Variants in SUGP2 observed in about 807,000 individuals in gnomAD.
SUGP2 encodes the protein SURP and G-patch domain-containing protein 2.
SUGP2 carries 24 observed loss-of-function variants against 90.5 expected under a neutral mutation model. That is an observed-to-expected ratio of 0.27 (90% confidence interval 0.19 to 0.37). The LOEUF is 0.37. Ranked by LOEUF, SUGP2 falls within the 10% of genes least tolerant of loss-of-function variation. The pLI is 1.00. For missense variants in SUGP2, 1,233 were observed against 1,363.3 expected, an observed-to-expected ratio of 0.90 and a Z score of 1.51; for synonymous variants, 473 against 513.4, an observed-to-expected ratio of 0.92 and a Z score of 1.06.
chr19:19,030,983 G>A lies in SUGP2; in HGVS notation c.89C>T (p.Ala30Val). The A allele has an allele frequency of 6.2e-7, 1 of 1,613,424 alleles. No individual in the cohort carries two copies. The highest frequency in any genetic ancestry group is 8.5e-7 in the Non-Finnish European group (1 of 1,179,860). ...TTTAAACTGAAGAGTTTCGCTTACA[G>A]CCTCACCACTGGCATCCATGTGATA... ...KRYHMDASGE[A>V]VSETLQFKAQ... Residue 30 changes from alanine (A) to valine (V), a missense_variant, in exon 2 of 11, where the codon GCT becomes GTT. Transcript: ENST00000452918.
At position 19,033,464 on chromosome 19, in the gene SUGP2, C is replaced by CCCGCCGCCGCCTCAGGCTCCTCACCCG. The variant is rs2059277392; in HGVS notation, c.-66_-40dup. The CCCGCCGCCGCCTCAGGCTCCTCACCCG allele has an allele frequency of 7.1e-6, 10 of 1,401,932 alleles. No individual in the cohort carries two copies. Among genetic ancestry groups the CCCGCCGCCGCCTCAGGCTCCTCACCCG allele is most frequent in the Non-Finnish European group, 9.3e-6 (10 of 1,077,758 alleles). The allele number at this position is 1,401,932 out of a possible 1,614,324, so 86.8% of individuals were successfully genotyped here. A position where few individuals can be genotyped will look rare whatever the true frequency, so the allele number is the denominator to read the frequency against. On this transcript the variant is annotated 5_prime_UTR_variant, in exon 1 of 11. Coordinates refer to ENST00000452918, the MANE Select transcript of SUGP2 (RefSeq NM_001017392.5). ...CGAGACCACCGCGCGCGGAGCCACC[C>CCCGCCGCCGCCTCAGGCTCCTCACCCG]CCGCCGCCGCCTCAGGCTCCTCACC... is the stretch of plus-strand genomic sequence containing the variant.
rs2145701677 is a variant in SUGP2, at chr19:19,025,559, G to C, written c.789C>G (p.Pro263=). ...GGATTTGGTTAGTGCCCTGAGTTTT[G>C]GGAGTAATACGATTCACGGTGGGTA... ...KKIPTVNRIT[P]KTQGTNQIQK... is the part of the protein sequence containing the mutation. The change falls in exon 3 of 11, where the codon CCC becomes CCG. Residue 263 remains proline (P), a synonymous_variant. Transcript: ENST00000452918. 1 of 1,614,036 alleles carries C rather than the reference G, an allele frequency of 6.2e-7. No individual in the cohort carries two copies. The highest frequency in any genetic ancestry group is 2.2e-5 in the East Asian group (1 of 44,856).
chr19:19,018,218 G>A (rs1421751405), intron 4 of SUGP2, among the ~76,000 whole-genome samples: 1 of 152,088 alleles, frequency 6.6e-6, no homozygotes, highest in Non-Finnish European at 1.5e-5. Context: ...TGTAATCCCA[G>A]CTACTTGGGA....
At chr19:19,008,739 C>T (rs1007941527) in intron 5 of SUGP2, among the ~76,000 whole-genome samples, 1 of 152,200 alleles carries the variant, frequency 6.6e-6, no homozygotes, top group African/African-American at 2.4e-5. Flanking sequence ...CCCCAATTGC[C>T]AGGTGAACAA....
At chr19:18,997,863 A>G (rs951493336) in intron 8 of SUGP2, among the ~76,000 whole-genome samples, 2 of 152,072 alleles carry the variant, frequency 1.3e-5, no homozygotes, top group African/African-American at 2.4e-5. Flanking sequence ...GGACTAAAGT[A>G]GCAGCCTCAA....
rs768523816 is a variant in SUGP2, at chr19:19,025,493, G to T, written c.855C>A (p.Asn285Lys). 6.2e-7 allele frequency: 1 copy of T among 1,614,114 alleles called. No homozygotes were observed. Among genetic ancestry groups the T allele is most frequent in the East Asian group, 2.2e-5 (1 of 44,886 alleles). Residue 285 changes from asparagine to lysine, a missense_variant, in exon 3 of 11, where the codon AAC becomes AAA. Asn to Lys is a moderately conservative substitution (Grantham distance 94). Coordinates refer to ENST00000452918, the MANE Select transcript of SUGP2 (RefSeq NM_001017392.5). ...GGAACTGGATATCTTCTGTCCCTGG[G>T]TTTGTCCCCAGGGTCACATCAGGAC... ...TPSPDVTLGT[N>K]PGTEDIQFPI... is the part of the protein sequence containing the mutation.
chr19:19,033,557 C>T, upstream of SUGP2: 2 of 1,262,278 alleles, frequency 1.6e-6, no homozygotes, highest in Non-Finnish European at 2.0e-6. Flanking sequence ...CCGCGCCGCG[C>T]AGGCGCAAGC....
At chr19:19,011,734 C>T (rs1326535709) in intron 4 of SUGP2, among the ~76,000 whole-genome samples, 2 of 152,096 alleles carry the variant, frequency 1.3e-5, no homozygotes, top group Non-Finnish European at 2.9e-5. Flanking sequence ...TGGTGGCTCA[C>T]GCCTGTAATC....
rs775986558 is a variant in SUGP2 at position 19,004,233 on chromosome 19, C to T, written c.2864G>A (p.Ser955Asn). 1 of 1,607,712 alleles carries T rather than the reference C, an allele frequency of 6.2e-7. No homozygotes were observed. Among genetic ancestry groups the T allele is most frequent in the Non-Finnish European group, 8.5e-7 (1 of 1,176,096 alleles). ...GTCFPRKRIS[S>N]KSLKVGMIPA... Reference sequence around the variant, plus strand: ...AATCATGCCAACCTTCAATGACTTGCTGCTGATCCTCTTCCGAGGGAAGCA... The same window carrying T: ...AATCATGCCAACCTTCAATGACTTGTTGCTGATCCTCTTCCGAGGGAAGCA... The change falls in exon 7 of 11, where the codon AGC (serine) becomes AAC (asparagine). Residue 955 changes from serine (S) to asparagine (N), a missense_variant. Physicochemically the swap from Ser to Asn is conservative, Grantham distance 46 (BLOSUM62 1). Transcript: ENST00000452918.
At chr19:19,007,087 G>A (rs933443570) in intron 6 of SUGP2, among the ~76,000 whole-genome samples, 2 of 152,180 alleles carry the variant, frequency 1.3e-5, no homozygotes, top group Non-Finnish European at 2.9e-5. Flanking sequence ...GCCTCCTACC[G>A]GCAGCCTTTC....
intron 8 of SUGP2, among the ~76,000 whole-genome samples, chr19:18,998,030 C>T (rs992635465): frequency 6.6e-5 from 10 of 152,148 alleles, no homozygotes; most frequent in African/African-American, 2.2e-4. Flanking sequence ...AGAGATGGAA[C>T]ATTAAACACC....
intron 8 of SUGP2, among the ~76,000 whole-genome samples, chr19:18,996,122 C>T (rs2057571296): frequency 6.6e-6 from 1 of 152,154 alleles, no homozygotes; most frequent in Non-Finnish European, 1.5e-5. Flanking sequence ...GTGGGCTGGG[C>T]GTGGTGGCTC....
intron 4 of SUGP2, among the ~76,000 whole-genome samples, chr19:19,011,873 A>T (rs2058326250): frequency 6.6e-6 from 1 of 152,208 alleles, no homozygotes; most frequent in Admixed American, 6.5e-5. Context: ...AACAAACATA[A>T]CAGACTTTTG....
At chr19:19,008,794 AC>A (rs902689489) in intron 5 of SUGP2, among the ~76,000 whole-genome samples, 7 of 152,196 alleles carry the variant, frequency 4.6e-5, no homozygotes, top group Admixed American at 3.9e-4. Flanking sequence ...TGGCCCAGCC[AC>A]ACCATCATCT....
rs1256424787 is a variant in SUGP2, at chr19:19,025,776, T to C, written c.572A>G (p.Tyr191Cys). ...AGCCTCCCCAGGATGGTCCACGTCA[T>C]AATCCCGACTCTCCTTCTCCAAACA... The part of the protein sequence containing the change: ...KECLEKESRD[Y>C]DVDHPGEADS... Residue 191 changes from tyrosine (Y) to cysteine (C), a missense_variant, in exon 3 of 11, where the codon TAT (tyrosine) becomes TGT (cysteine). Tyr to Cys is a radical substitution (Grantham distance 194, BLOSUM62 -2). Coordinates refer to ENST00000452918, the MANE Select transcript of SUGP2 (RefSeq NM_001017392.5). 1 of 1,613,920 alleles carries C rather than the reference T, an allele frequency of 6.2e-7. No homozygotes were observed. The highest frequency in any genetic ancestry group is 8.5e-7 in the Non-Finnish European group (1 of 1,179,996).
intron 2 of SUGP2, 132 bp from the exon 3 acceptor site, chr19:19,026,358 T>C (rs2058933300): frequency 6.0e-6 from 5 of 835,980 alleles, no homozygotes; most frequent in Non-Finnish European, 5.3e-6. Flanking sequence ...CAGTGCTTTT[T>C]GCCAATCTGT....
chr19:19,022,190 T>TA (rs1172364646), intron 3 of SUGP2, among the ~76,000 whole-genome samples: 2 of 152,114 alleles, frequency 1.3e-5, no homozygotes, highest in Admixed American at 1.3e-4. Context: ...TTCACCGTGT[T>TA]AGCCAGGATG....
At chr19:19,009,269 A>G (rs975575337) in intron 5 of SUGP2, among the ~76,000 whole-genome samples, 5 of 152,168 alleles carry the variant, frequency 3.3e-5, no homozygotes, top group African/African-American at 7.2e-5. Flanking sequence ...CAACACCTAA[A>G]TAATGCAGCA....
chr19:18,997,005 G>A (rs556336424), intron 8 of SUGP2, among the ~76,000 whole-genome samples: 1 of 152,122 alleles, frequency 6.6e-6, no homozygotes, highest in South Asian at 2.1e-4. Context: ...GGCTGGGAGA[G>A]GGTTAGATGA....
Sources: gnomAD v4.1 joint callset for allele counts (sites outside exome capture counted in the v4.1 genomes callset) on GRCh38, gnomAD v4.1.1 for gene constraint, MANE v1.5 for transcripts, NCBI Gene and HGNC (gene_info 2026-07-23, HGNC 2026-07-21) for gene names.